Variants in MSRA observed in about 807,000 individuals in gnomAD.
MSRA encodes the protein mitochondrial peptide methionine sulfoxide reductase.
A neutral mutation model predicts 31.3 loss-of-function variants in MSRA; 54 were observed. The ratio of observed to expected loss-of-function variants is 1.73; its 90% CI spans 1.39 to 2.17. The LOEUF is 2.17. Ranked by LOEUF, MSRA falls within the 30% of genes most tolerant of loss-of-function variation. The pLI is 0.00. For synonymous variants in MSRA, 169 were observed against 116.5 expected (o/e 1.45, Z -2.90); for missense variants, 507 against 300.9 (o/e 1.69, Z -5.07).
chr8:10,410,269 G>C (rs1162814305), intron 5 of MSRA, among the ~76,000 whole-genome samples: 1 of 152,144 alleles, frequency 6.6e-6, no homozygotes, highest in Non-Finnish European at 1.5e-5. Flanking sequence ...CAACAGGCTA[G>C]GTCTTCCAAG....
chr8:10,169,917 C>CT (rs71538069), intron 1 of MSRA, among the ~76,000 whole-genome samples: 45,283 of 131,782 alleles, frequency 0.34, 8,521 homozygotes, highest in East Asian at 0.55. Context: ...TTCTTTCTTT[C>CT]TTTTTTTTTT....
intron 2 of MSRA, among the ~76,000 whole-genome samples, chr8:10,241,623 A>G (rs1226037514): frequency 6.6e-6 from 1 of 152,222 alleles, no homozygotes; most frequent in African/African-American, 2.4e-5. Flanking sequence ...TGATAGAATT[A>G]GAAGATCACT....
intron 5 of MSRA, among the ~76,000 whole-genome samples, chr8:10,379,218 G>T (rs1349296908): frequency 1.3e-5 from 2 of 152,070 alleles, no homozygotes; most frequent in East Asian, 3.9e-4. Context: ...CCCAGGGAAA[G>T]TCACCTTTTG....
At chr8:10,422,707 A>T (rs11250006) in intron 5 of MSRA, among the ~76,000 whole-genome samples, 42,596 of 152,118 alleles carry the variant, frequency 0.28, 6,960 homozygotes, top group East Asian at 0.75. Context: ...TGGTAGGGGC[A>T]TGTGAGACTG....
At position 10,054,622 on chromosome 8, in the gene MSRA, G is replaced by A. The variant is rs371071529; in HGVS notation, c.106G>A (p.Ala36Thr). The A allele has an allele frequency of 1.3e-6, 2 of 1,577,214 alleles. No homozygotes were observed. The highest frequency in any genetic ancestry group is 1.1e-5 in the South Asian group (1 of 87,872). ...SASNIVSPQEALPGRKEQTPV... is the reference protein window; with the variant it reads ...SASNIVSPQETLPGRKEQTPV... ...CTCGAACATCGTCAGCCCCCAGGAG[G>A]CCTTGCCGGGCCGGAAGGAACAGAC... The change falls in exon 1 of 6, where the codon GCC becomes ACC. Residue 36 changes from alanine (A) to threonine (T), a missense_variant. Physicochemically the swap from Ala to Thr is moderately conservative, Grantham distance 58. Transcript: ENST00000317173.
At chr8:10,136,336 C>G (rs897600166) in intron 1 of MSRA, among the ~76,000 whole-genome samples, 1 of 152,124 alleles carries the variant, frequency 6.6e-6, no homozygotes, top group Non-Finnish European at 1.5e-5. Context: ...TGTTCAAGGC[C>G]TAACATTGCC....
At chr8:10,099,580 T>A (rs1799401160) in intron 1 of MSRA, among the ~76,000 whole-genome samples, 1 of 152,196 alleles carries the variant, frequency 6.6e-6, no homozygotes, top group Non-Finnish European at 1.5e-5. Flanking sequence ...ATAAACTGAG[T>A]GGCGAACCAG....
At chr8:10,300,124 TTG>T (rs10682921) in intron 3 of MSRA, among the ~76,000 whole-genome samples, 1,781 of 149,506 alleles carry the variant, frequency 0.012, 31 homozygotes, top group African/African-American at 0.026. Context: ...TGGAAGAAAT[TTG>T]TGTGTGTGTG....
At chr8:10,196,598 G>T (rs1435417072) in intron 1 of MSRA, among the ~76,000 whole-genome samples, 1 of 152,038 alleles carries the variant, frequency 6.6e-6, no homozygotes, top group African/African-American at 2.4e-5. Flanking sequence ...CACCCAGGCT[G>T]GAGTGCAGTG....
intron 1 of MSRA, among the ~76,000 whole-genome samples, chr8:10,073,366 A>G (rs1231445598): frequency 1.3e-5 from 2 of 152,164 alleles, no homozygotes. Context: ...GTTTTATTGG[A>G]ACACAGGCAT....
intron 1 of MSRA, among the ~76,000 whole-genome samples, chr8:10,133,004 C>G (rs1338055366): frequency 6.6e-6 from 1 of 152,172 alleles, no homozygotes; most frequent in Non-Finnish European, 1.5e-5. Context: ...GGGGTCCTGC[C>G]TTGGAGCTGA....
At chr8:10,414,284 T>C (rs1042368914) in intron 5 of MSRA, among the ~76,000 whole-genome samples, 2 of 152,026 alleles carry the variant, frequency 1.3e-5, no homozygotes, top group African/African-American at 4.8e-5. Context: ...CCAAGAGACA[T>C]GTGTAAGTAA....
Position 10,198,013 on chromosome 8 carries a change from G to C in MSRA, c.143-9820G>C, listed in dbSNP as rs1808147096. On this transcript the variant is annotated intron_variant, in intron 1 of 5. Transcript: ENST00000317173. Reference sequence around the variant, plus strand: ...GACTGCTTTCTCTTTCCTGCTCAAAGAAAACAGAGGAGTGGGACTTAGAAG... The same window carrying C: ...GACTGCTTTCTCTTTCCTGCTCAAACAAAACAGAGGAGTGGGACTTAGAAG... Among the ~76,000 whole-genome samples the C allele has an allele frequency of 2.0e-5, 3 of 152,298 alleles. No homozygotes were observed. The South Asian group carries it at 6.2e-4, about 32-fold the overall frequency.
chr8:10,226,731 G>T (rs570364404), intron 2 of MSRA, among the ~76,000 whole-genome samples: 1 of 149,996 alleles, frequency 6.7e-6, no homozygotes, highest in Admixed American at 6.6e-5. Context: ...TTGTTTGTTT[G>T]TTTTTTGTTT....
At chr8:10,183,346 C>A (rs1806713167) in intron 1 of MSRA, among the ~76,000 whole-genome samples, 1 of 152,164 alleles carries the variant, frequency 6.6e-6, no homozygotes, top group African/African-American at 2.4e-5. Context: ...TACTTACGGC[C>A]TCTGTTTGCC....
At position 10,073,633 on chromosome 8, in the gene MSRA, C is replaced by A. The variant is rs148647923; in HGVS notation, c.142+18975C>A. 4.4e-3 allele frequency among the ~76,000 whole-genome samples: 673 copies of A among 152,076 alleles called. 5 individuals are homozygous for A. Among genetic ancestry groups the A allele is most frequent in the African/African-American group, 0.016 (643 of 41,464 alleles). On this transcript the variant is annotated intron_variant, in intron 1 of 5. Transcript: ENST00000317173. ...CAAACTCTTACTCCACACACTCTTA[C>A]TCTAATTGGCTAAGACCTAGAGCTT...
chr8:10,247,223 A>G (rs949398395), intron 3 of MSRA, among the ~76,000 whole-genome samples: 1 of 152,222 alleles, frequency 6.6e-6, no homozygotes, highest in Non-Finnish European at 1.5e-5. Flanking sequence ...TCCATGAAGT[A>G]TGTCAGCTTC....
At chr8:10,178,241 C>T (rs554672483) in intron 1 of MSRA, among the ~76,000 whole-genome samples, 26 of 152,152 alleles carry the variant, frequency 1.7e-4, no homozygotes, top group Non-Finnish European at 2.9e-4. Flanking sequence ...TGATAGATTT[C>T]GCTTAGTTTA....
intron 5 of MSRA, among the ~76,000 whole-genome samples, chr8:10,372,407 C>A (rs571003665): frequency 6.6e-6 from 1 of 152,316 alleles, no homozygotes; most frequent in Non-Finnish European, 1.5e-5. Context: ...AAGCGTATTG[C>A]AGTTATAAAA....
Sources: gnomAD v4.1 joint callset for allele counts (sites outside exome capture counted in the v4.1 genomes callset) on GRCh38, gnomAD v4.1.1 for gene constraint, MANE v1.5 for transcripts, NCBI Gene and HGNC (gene_info 2026-07-23, HGNC 2026-07-21) for gene names.